C5orf34: variants seen among roughly 807,000 people sequenced by gnomAD.
C5orf34 encodes chromosome 5 open reading frame 34.
C5orf34 carries 73 observed loss-of-function variants against 78.4 expected under a neutral mutation model. The ratio of observed to expected loss-of-function variants is 0.93; its 90% confidence interval spans 0.77 to 1.13. The LOEUF is 1.13. Among genes scored for constraint, C5orf34 ranks in the 50% most tolerant of loss-of-function variants. The probability of loss-of-function intolerance (pLI) is 0.00; values close to 1 mark genes in which losing one functional copy is unlikely to be tolerated. For missense variants in C5orf34, 730 were observed against 732.7 expected (o/e 1.00, Z 0.04); for synonymous variants, 251 against 246.6 (o/e 1.02, Z -0.17).
chr5:43,500,522 A>G (rs1411700718), intron 6 of C5orf34, among the ~76,000 whole-genome samples: 1 of 152,102 alleles, frequency 6.6e-6, no homozygotes, highest in Admixed American at 6.6e-5. Flanking sequence ...CAGTCTCCCA[A>G]GTAGCTGGGA....
intron 1 of C5orf34, among the ~76,000 whole-genome samples, chr5:43,512,937 C>T (rs1164148101): frequency 6.6e-6 from 1 of 151,954 alleles, no homozygotes; most frequent in East Asian, 1.9e-4. Flanking sequence ...TGCGTGCCAC[C>T]ACGCCTGGCT....
intron 1 of C5orf34, among the ~76,000 whole-genome samples, chr5:43,513,303 CTA>C (rs71610313): frequency 0.014 from 2,108 of 152,170 alleles, 56 homozygotes; most frequent in East Asian, 0.13. Context: ...AGACCGCTCT[CTA>C]TGTCCCTGTC....
At chr5:43,506,753 G>GTT (rs532362443) in intron 3 of C5orf34, among the ~76,000 whole-genome samples, 59 of 151,308 alleles carry the variant, frequency 3.9e-4, no homozygotes, top group African/African-American at 1.2e-3. Context: ...AGAAATAAGG[G>GTT]AAGACCAACA....
rs117056047 is a variant in C5orf34 at position 43,514,378 on chromosome 5, C to T, written c.-37+428G>A. 16 of 152,232 alleles carry T rather than the reference C, an allele frequency of 1.1e-4. No homozygotes were observed. The East Asian group carries it at 1.9e-3, about 18-fold the overall frequency. The allele number at this position is 152,232 out of a possible 1,614,324, so 9.4% of individuals were successfully genotyped here. ...TATATATAAACACACACGTATATATCGGGTATGTCTACTTGGTATTTTAGG... is the reference window on the plus strand; with the variant it reads ...TATATATAAACACACACGTATATATTGGGTATGTCTACTTGGTATTTTAGG... On this transcript the variant is annotated intron_variant, in intron 1 of 12. Coordinates refer to ENST00000306862, the MANE Select transcript of C5orf34 (RefSeq NM_198566.4).
In C5orf34 at chr5:43,486,918, C is replaced by CT; in HGVS notation, c.1913dup (p.Ter639ValfsTer11). 1 of 1,501,432 alleles carries CT rather than the reference C, an allele frequency of 6.7e-7. No homozygotes were observed. The highest frequency in any genetic ancestry group is 8.9e-7 in the Non-Finnish European group (1 of 1,126,170). The allele number at this position is 1,501,432 out of a possible 1,614,324, so 93.0% of individuals were successfully genotyped here. A position where few individuals can be genotyped will look rare whatever the true frequency, so the allele number is the denominator to read the frequency against. ...TATGTTGTAATAATTCCATTTTTCA[C>CT]TTTTTAGAGTTTGATAGAAGACAGT... On this transcript the variant is annotated frameshift_variant, in exon 13 of 13. Coordinates refer to ENST00000306862, the MANE Select transcript of C5orf34 (RefSeq NM_198566.4). LOFTEE classifies it high-confidence loss of function.
rs544888278 is a variant in C5orf34, at chr5:43,493,600, A to G, written c.1257T>C (p.His419=). Residue 419 remains histidine (H), a synonymous_variant, in exon 8 of 13, where the codon CAT becomes CAC. Coordinates refer to ENST00000306862, the MANE Select transcript of C5orf34 (RefSeq NM_198566.4). ...LIKQATRILQ[H]CVKMRLSLSH... ...TTAAAGAAAGTCTCATCTTCACACA[A>G]TGTTGAAGAATTCTGTGAACACAAA... 18 of 1,570,180 alleles carry G rather than the reference A, an allele frequency of 1.1e-5. No homozygotes were observed. In the African/African-American group the frequency reaches 2.5e-4, roughly 21 times the overall value.
At position 43,494,534 on chromosome 5, in the gene C5orf34, C is replaced by T; in HGVS notation, c.1220G>A (p.Gly407Asp). 6.2e-7 allele frequency: 1 copy of T among 1,606,250 alleles called. No individual in the cohort carries two copies. The part of the protein sequence containing the change: ...PDRPGSPFTV[G>D]SLIKQATRIL... ...CCTTGTTGCCTGTTTAATTAGAGAA[C>T]CGACAGTGAATGGACTTCCCGGTCT... is the stretch of plus-strand genomic sequence containing the variant. The change falls in exon 7 of 13, where the codon GGT (glycine) becomes GAT (aspartate). Residue 407 changes from glycine to aspartate, a missense_variant. Coordinates refer to ENST00000306862, the MANE Select transcript of C5orf34 (RefSeq NM_198566.4).
At chr5:43,492,429 T>C in intron 9 of C5orf34, 120 bp from the exon 10 acceptor site, 2 of 690,926 alleles carry the variant, frequency 2.9e-6, no homozygotes, top group Non-Finnish European at 4.9e-6. Context: ...ATGCAACAGT[T>C]TAAATGTTGT....
chr5:43,503,997 C>A (rs1436445646), intron 4 of C5orf34, among the ~76,000 whole-genome samples: 1 of 152,048 alleles, frequency 6.6e-6, no homozygotes, highest in Non-Finnish European at 1.5e-5. Context: ...CATAAATTAA[C>A]AGTTTTAATA....
intron 8 of C5orf34, 72 bp downstream of exon 8, chr5:43,493,471 G>C (rs1314277131): frequency 8.8e-6 from 8 of 907,328 alleles, no homozygotes. Flanking sequence ...AAAACTGTTT[G>C]AACTCAGAAG....
At chr5:43,499,815 A>G (rs1248797666) in intron 6 of C5orf34, among the ~76,000 whole-genome samples, 3 of 152,198 alleles carry the variant, frequency 2.0e-5, no homozygotes, top group Non-Finnish European at 4.4e-5. Flanking sequence ...ATTCTTTTCA[A>G]CTACTGTACA....
intron 11 of C5orf34, among the ~76,000 whole-genome samples, chr5:43,489,783 C>T (rs1745206187): frequency 6.6e-6 from 1 of 152,104 alleles, no homozygotes; most frequent in Non-Finnish European, 1.5e-5. Context: ...CATTTTGTTT[C>T]ACTACACTAT....
At chr5:43,505,394 C>T (rs1362250494) in intron 4 of C5orf34, among the ~76,000 whole-genome samples, 1 of 152,172 alleles carries the variant, frequency 6.6e-6, no homozygotes, top group African/African-American at 2.4e-5. Flanking sequence ...CCCACAGAGC[C>T]CTGTGCAGAC....
At chr5:43,512,276 C>T (rs557514198) in intron 1 of C5orf34, among the ~76,000 whole-genome samples, 14 of 152,322 alleles carry the variant, frequency 9.2e-5, no homozygotes, top group African/African-American at 2.9e-4. Flanking sequence ...TTATCCCCTT[C>T]TACTACCAAG....
chr5:43,496,436 G>A, intron 6 of C5orf34: 1 of 1,589,668 alleles, frequency 6.3e-7, no homozygotes, highest in Non-Finnish European at 8.5e-7. Flanking sequence ...ATGTTGATAT[G>A]AGTCTTTTCC....
chr5:43,492,954 A>C (rs534496343), intron 8 of C5orf34, 64 bp from the exon 9 acceptor site: 1 of 1,202,210 alleles, frequency 8.3e-7, no homozygotes, highest in Non-Finnish European at 1.2e-6. Flanking sequence ...TTAAATGAAT[A>C]TTAATGACTC....
At chr5:43,511,581 A>G (rs1746263562) in intron 1 of C5orf34, among the ~76,000 whole-genome samples, 1 of 152,238 alleles carries the variant, frequency 6.6e-6, no homozygotes, top group African/African-American at 2.4e-5. Flanking sequence ...GGTTTTGTCA[A>G]ATAGAAAAAG....
chr5:43,503,111 C>CTT (rs1745831291), intron 5 of C5orf34, among the ~76,000 whole-genome samples: 1 of 152,246 alleles, frequency 6.6e-6, no homozygotes, highest in African/African-American at 2.4e-5. Flanking sequence ...TAGCAGTGCT[C>CTT]TTCTAGCATT....
At position 43,503,775 on chromosome 5, in the gene C5orf34, A is replaced by T; in HGVS notation, c.933-15T>A. On this transcript the variant is annotated splice_polypyrimidine_tract_variant and intron_variant, in intron 4 of 12. Coordinates refer to ENST00000306862, the MANE Select transcript of C5orf34 (RefSeq NM_198566.4). ...AAAAATTCCACCTGTGAAGGATAAA[A>T]TACAAGCTATTACTTCTGGTTGCTC... The T allele has an allele frequency of 6.5e-7, 1 of 1,527,198 alleles. No individual in the cohort carries two copies. Among genetic ancestry groups the T allele is most frequent in the Non-Finnish European group, 9.1e-7 (1 of 1,101,052 alleles). The allele number at this position is 1,527,198 out of a possible 1,614,324, so 94.6% of individuals were successfully genotyped here.
Sources: gnomAD v4.1 joint callset for allele counts (sites outside exome capture counted in the v4.1 genomes callset) on GRCh38, gnomAD v4.1.1 for gene constraint, MANE v1.5 for transcripts, NCBI Gene and HGNC (gene_info 2026-07-23, HGNC 2026-07-21) for gene names.